UBE4A: variants seen among roughly 807,000 people sequenced by gnomAD.
UBE4A encodes ubiquitin conjugation factor E4 A.
UBE4A carries 48 observed loss-of-function variants against 117.9 expected under a neutral mutation model. That is an observed-to-expected ratio of 0.41 (90% CI 0.32 to 0.52). The LOEUF (loss-of-function observed/expected upper bound fraction) is 0.52. UBE4A is among the 20% of genes least tolerant of loss of function. UBE4A has a pLI of 0.33. For synonymous variants in UBE4A, 407 were observed against 450.0 expected, an observed-to-expected ratio of 0.90 and a Z score of 1.21; for missense variants, 1,067 against 1,296.3, an observed-to-expected ratio of 0.82 and a Z score of 2.72.
chr11:118,389,945 G>C (rs1227133714), intron 17 of UBE4A, 40 bp downstream of exon 17: 2 of 1,490,258 alleles, frequency 1.3e-6, no homozygotes, highest in Non-Finnish European at 1.8e-6. Flanking sequence ...AGGGGATGCT[G>C]TTTTGATTTA....
chr11:118,381,531 G>A lies in UBE4A; in HGVS notation c.2009+8G>A. On this transcript the variant is annotated splice_region_variant and intron_variant, in intron 12 of 19. Coordinates refer to ENST00000252108, the MANE Select transcript of UBE4A (RefSeq NM_001204077.2). ...CACTGGAAGCATAGAAAGGTGAAGTGCTGAAAGCTTGGTTCTGTCACTGTT... is the reference window on the plus strand; with the variant it reads ...CACTGGAAGCATAGAAAGGTGAAGTACTGAAAGCTTGGTTCTGTCACTGTT... 6.2e-7 allele frequency: 1 copy of A among 1,613,496 alleles called. No individual in the cohort carries two copies. Among genetic ancestry groups the A allele is most frequent in the Non-Finnish European group, 8.5e-7 (1 of 1,179,688 alleles).
rs1230493818 is a variant in UBE4A at position 118,386,574 on chromosome 11, C to A, written c.2549C>A (p.Ser850Tyr). ...GQLARFHNIM[S>Y]NETIGTLAFL... ...CTGGCACGTTTCCATAACATCATGT[C>A]CAATGAAACAATCGGTACCCTTGCC... The change falls in exon 16 of 20, where the codon TCC (serine) becomes TAC (tyrosine). Residue 850 changes from serine (S) to tyrosine (Y), a missense_variant. Ser to Tyr is a moderately radical substitution (Grantham distance 144). Around this residue, in one of 3 missense-constraint regions of UBE4A, gnomAD observed 1,001 missense variants for 1,184.0 expected, o/e 0.85. Transcript: ENST00000252108. 1.3e-6 allele frequency: 2 copies of A among 1,592,438 alleles called. No homozygotes were observed. Among genetic ancestry groups the A allele is most frequent in the Non-Finnish European group, 1.7e-6 (2 of 1,172,582 alleles).
intron 19 of UBE4A, among the ~76,000 whole-genome samples, chr11:118,395,035 G>A (rs1463830579): frequency 1.3e-5 from 2 of 151,958 alleles, no homozygotes; most frequent in Non-Finnish European, 2.9e-5. Context: ...ATATTAAAAA[G>A]ATGAATTTTT....
intron 9 of UBE4A, 117 bp from the exon 10 acceptor site, chr11:118,376,457 A>G (rs1948653208): frequency 2.2e-6 from 3 of 1,373,890 alleles, no homozygotes; most frequent in South Asian, 1.6e-5. Context: ...AAGAACTAAT[A>G]TGACAAGATA....
chr11:118,387,864 G>T (rs1948773749), intron 16 of UBE4A, among the ~76,000 whole-genome samples: 1 of 152,194 alleles, frequency 6.6e-6, no homozygotes, highest in African/African-American at 2.4e-5. Flanking sequence ...TTCCCAGGAT[G>T]ACGGTGAAAG....
At chr11:118,362,967 C>T (rs1948532071) in intron 1 of UBE4A, among the ~76,000 whole-genome samples, 1 of 151,878 alleles carries the variant, frequency 6.6e-6, no homozygotes, top group South Asian at 2.1e-4. Context: ...GAGTGGATAC[C>T]CAAAGGAAAA....
chr11:118,377,817 G>A (rs1158297673), intron 10 of UBE4A, among the ~76,000 whole-genome samples: 3 of 151,562 alleles, frequency 2.0e-5, no homozygotes, highest in African/African-American at 7.3e-5. Flanking sequence ...CGAGGCTGAG[G>A]TGGGAGGATC....
chr11:118,363,442 A>G (rs1948536091), intron 1 of UBE4A, among the ~76,000 whole-genome samples: 1 of 152,076 alleles, frequency 6.6e-6, no homozygotes, highest in African/African-American at 2.4e-5. Flanking sequence ...CTGAGAGGAG[A>G]CTAGACTGCC....
At chr11:118,361,099 C>T (rs1437884190) in intron 1 of UBE4A, among the ~76,000 whole-genome samples, 1 of 151,116 alleles carries the variant, frequency 6.6e-6, no homozygotes, top group Admixed American at 6.6e-5. Context: ...TCACGGCAAC[C>T]TCCATCTCCC....
intron 9 of UBE4A, 141 bp from the exon 10 acceptor site, chr11:118,376,433 G>A (rs1047387687): frequency 1.8e-5 from 22 of 1,241,058 alleles, no homozygotes; most frequent in Non-Finnish European, 2.4e-5. Flanking sequence ...GAAACCAAAA[G>A]ATATATTCAG....
intron 18 of UBE4A, among the ~76,000 whole-genome samples, chr11:118,391,221 G>A (rs1435244407): frequency 6.6e-6 from 1 of 152,198 alleles, no homozygotes; most frequent in Non-Finnish European, 1.5e-5. Flanking sequence ...TACAGTAGTG[G>A]CTCATGCTTG....
Position 118,365,106 on chromosome 11 carries a change from A to C in UBE4A, c.26A>C (p.Asn9Thr). 6.2e-7 allele frequency: 1 copy of C among 1,614,002 alleles called. No individual in the cohort carries two copies. The highest frequency in any genetic ancestry group is 1.3e-5 in the African/African-American group (1 of 75,038). Reference sequence around the variant, plus strand: ...ATGACAGACCAGGAGAATAACAACAACATCTCAAGTAACCCCTTTGCTGCT... The same window carrying C: ...ATGACAGACCAGGAGAATAACAACACCATCTCAAGTAACCCCTTTGCTGCT... Reference protein sequence around the residue: MTDQENNNNISSNPFAALF... With the variant: MTDQENNNTISSNPFAALF... The change falls in exon 2 of 20, where the codon AAC becomes ACC. Residue 9 changes from asparagine (N) to threonine (T), a missense_variant. By Grantham distance (65) the Asn-to-Thr change is moderately conservative. Around this residue, in one of 3 missense-constraint regions of UBE4A, gnomAD observed 1,001 missense variants for 1,184.0 expected, o/e 0.85. Coordinates refer to ENST00000252108, the MANE Select transcript of UBE4A (RefSeq NM_001204077.2).
rs147754044 is a variant in UBE4A at position 118,359,620 on chromosome 11, A to C, written c.-96A>C. ...TTGCTGTGCTGAGTCGGAAGTGGGAACCCTTCGGCCGCTGAGATTCTGTCG... is the reference window on the plus strand; with the variant it reads ...TTGCTGTGCTGAGTCGGAAGTGGGACCCCTTCGGCCGCTGAGATTCTGTCG... On this transcript the variant is annotated 5_prime_UTR_variant, in exon 1 of 20. Coordinates refer to ENST00000252108, the MANE Select transcript of UBE4A (RefSeq NM_001204077.2). 1 of 152,054 alleles carries C rather than the reference A, an allele frequency of 6.6e-6. No homozygotes were observed. The highest frequency in any genetic ancestry group is 2.1e-4 in the South Asian group (1 of 4,822). The allele number at this position is 152,054 out of a possible 1,614,324, so 9.4% of individuals were successfully genotyped here.
At chr11:118,395,260 CA>C (rs1948859438) in intron 19 of UBE4A, among the ~76,000 whole-genome samples, 1 of 148,428 alleles carries the variant, frequency 6.7e-6, no homozygotes. Flanking sequence ...TCCTGGGAGG[CA>C]AAGGTTGCAG....
intron 8 of UBE4A, 142 bp downstream of exon 8, chr11:118,373,827 C>A: frequency 9.3e-7 from 1 of 1,071,694 alleles, no homozygotes; most frequent in Non-Finnish European, 1.3e-6. Flanking sequence ...TAAATTAAAA[C>A]TGGGCATGGT....
chr11:118,391,764 C>T (rs1355235686), intron 18 of UBE4A, among the ~76,000 whole-genome samples: 3 of 147,810 alleles, frequency 2.0e-5, no homozygotes, highest in South Asian at 2.2e-4. Context: ...ACTGCACTCC[C>T]GCCTGGGCAA....
chr11:118,364,661 G>A (rs1008118830), intron 1 of UBE4A, among the ~76,000 whole-genome samples: 4 of 152,042 alleles, frequency 2.6e-5, no homozygotes, highest in African/African-American at 9.7e-5. Flanking sequence ...CATAATTCTT[G>A]TCTTATTATT....
intron 13 of UBE4A, 36 bp from the exon 14 acceptor site, chr11:118,384,599 C>T (rs782012637): frequency 7.6e-6 from 12 of 1,575,632 alleles, no homozygotes; most frequent in African/African-American, 6.7e-5. Flanking sequence ...CTTATGGCAC[C>T]GCCTTTGCTG....
chr11:118,374,771 G>A (rs1948636610), intron 8 of UBE4A, 125 bp from the exon 9 acceptor site: 2 of 868,114 alleles, frequency 2.3e-6, no homozygotes, highest in South Asian at 5.9e-5. Context: ...TAGGGGATGA[G>A]GCACAGAGAG....
Sources: gnomAD v4.1 joint callset for allele counts (sites outside exome capture counted in the v4.1 genomes callset) on GRCh38, gnomAD v4.1.1 for gene constraint, gnomAD v4.1.1 regional missense constraint, MANE v1.5 for transcripts, NCBI Gene and HGNC (gene_info 2026-07-23, HGNC 2026-07-21) for gene names.